CTNNA3: variants seen among roughly 807,000 people sequenced by gnomAD.
CTNNA3 encodes the protein catenin alpha 3, also known as catenin alpha-3.
CTNNA3 carries 76 observed loss-of-function variants against 95.7 expected under a neutral mutation model. That is an observed-to-expected ratio of 0.79 (90% CI 0.66 to 0.96). CTNNA3 has a LOEUF of 0.96. Among genes scored for constraint, CTNNA3 ranks in the 40% least tolerant of loss-of-function variants. The pLI, the probability that CTNNA3 is intolerant of heterozygous loss-of-function variation, is 0.00. For synonymous variants in CTNNA3, 431 were observed against 374.4 expected, an observed-to-expected ratio of 1.15 and a Z score of -1.74; for missense variants, 1,191 against 1,089.8, an observed-to-expected ratio of 1.09 and a Z score of -1.31.
intron 13 of CTNNA3, among the ~76,000 whole-genome samples, chr10:66,199,798 TATATATA>T (rs1281799347): frequency 4.1e-4 from 7 of 17,204 alleles, no homozygotes; most frequent in East Asian, 2.6e-3. Context: ...TATATATATA[TATATATA>T]TTTTTTTTTT....
chr10:67,395,270 C>T (rs1283308674), intron 5 of CTNNA3, among the ~76,000 whole-genome samples: 1 of 152,114 alleles, frequency 6.6e-6, no homozygotes, highest in African/African-American at 2.4e-5. Context: ...TCACTTTAGA[C>T]TGCAACACAA....
intron 2 of CTNNA3, among the ~76,000 whole-genome samples, chr10:67,639,746 C>T (rs938026188): frequency 9.2e-5 from 14 of 152,038 alleles, no homozygotes; most frequent in Admixed American, 2.6e-4. Context: ...ACAGAACCAA[C>T]GACAAAAACC....
chr10:66,944,332 T>C (rs184981010), intron 7 of CTNNA3, among the ~76,000 whole-genome samples: 53 of 152,308 alleles, frequency 3.5e-4, no homozygotes, highest in Non-Finnish European at 5.1e-4. Flanking sequence ...TCCTCATCCA[T>C]TCAAGTTTGA....
chr10:65,953,092 C>T (rs73306036), intron 17 of CTNNA3, among the ~76,000 whole-genome samples: 2,236 of 152,244 alleles, frequency 0.015, 59 homozygotes, highest in African/African-American at 0.051. Context: ...TTCATATATA[C>T]AGGCTAGAAT....
At chr10:67,693,677 T>C (rs1268358743) in intron 1 of CTNNA3, among the ~76,000 whole-genome samples, 1 of 152,232 alleles carries the variant, frequency 6.6e-6, no homozygotes, top group Non-Finnish European at 1.5e-5. Context: ...TTCATAACTC[T>C]ACCTCTCACT....
intron 9 of CTNNA3, among the ~76,000 whole-genome samples, chr10:66,659,218 A>G (rs1276435836): frequency 6.6e-6 from 1 of 150,646 alleles, no homozygotes; most frequent in Non-Finnish European, 1.5e-5. Context: ...ACACACACAC[A>G]TACGTGTAGT....
chr10:66,462,407 T>C (rs2093535750), intron 11 of CTNNA3, among the ~76,000 whole-genome samples: 1 of 152,098 alleles, frequency 6.6e-6, no homozygotes. Flanking sequence ...TTTTTATTCT[T>C]AGTGTATAAA....
At chr10:66,802,564 C>A (rs918731971) in intron 7 of CTNNA3, among the ~76,000 whole-genome samples, 12 of 151,700 alleles carry the variant, frequency 7.9e-5, no homozygotes, top group African/African-American at 2.9e-4. Context: ...GGTACCACGT[C>A]TTTGAAAAAA....
intron 15 of CTNNA3, among the ~76,000 whole-genome samples, chr10:66,005,990 A>G (rs1217817844): frequency 6.6e-6 from 1 of 150,900 alleles, no homozygotes; most frequent in African/African-American, 2.4e-5. Context: ...TATGAGTAGT[A>G]AGAATGCACA....
At chr10:66,417,122 A>G (rs1484924413) in intron 11 of CTNNA3, among the ~76,000 whole-genome samples, 1 of 152,074 alleles carries the variant, frequency 6.6e-6, no homozygotes, top group Non-Finnish European at 1.5e-5. Context: ...AAAATGATCC[A>G]ACTACATGCC....
rs1351032442 is a variant in CTNNA3, at chr10:66,814,023, T to C, written c.1048-38499A>G. ...GATTGTAGAGCTGCTAGAAAATATA[T>C]TCAATAAGACTGAAGACAAATTAGA... is the stretch of plus-strand genomic sequence containing the variant. On this transcript the variant is annotated intron_variant, in intron 7 of 17. Coordinates refer to ENST00000433211, the MANE Select transcript of CTNNA3 (RefSeq NM_013266.4). Among the ~76,000 whole-genome samples the C allele has an allele frequency of 2.0e-5, 3 of 152,258 alleles. No individual in the cohort carries two copies. The East Asian group carries it at 5.8e-4, about 29-fold the overall frequency.
intron 14 of CTNNA3, among the ~76,000 whole-genome samples, chr10:66,077,207 C>A (rs548688875): frequency 2.0e-5 from 3 of 151,718 alleles, no homozygotes; most frequent in Middle Eastern, 3.4e-3. Flanking sequence ...TTAAGAAAAA[C>A]CCAAATATGG....
At chr10:67,319,896 C>CAAAAAA (rs11418140) in intron 5 of CTNNA3, among the ~76,000 whole-genome samples, 1 of 102,878 alleles carries the variant, frequency 9.7e-6, no homozygotes, top group East Asian at 2.8e-4. Flanking sequence ...GACTCAGTCT[C>CAAAAAA]AAAAAAAAAA....
chr10:67,716,569 G>A (rs561346597), intron 1 of CTNNA3, among the ~76,000 whole-genome samples: 2 of 152,244 alleles, frequency 1.3e-5, no homozygotes, highest in East Asian at 1.9e-4. Flanking sequence ...AGAACATGCG[G>A]TGTTCGGTTT....
intron 7 of CTNNA3, among the ~76,000 whole-genome samples, chr10:66,962,918 T>C (rs978836282): frequency 2.0e-5 from 3 of 152,146 alleles, no homozygotes; most frequent in Non-Finnish European, 4.4e-5. Context: ...GCCTGGTATG[T>C]TCACAGATCT....
At chr10:66,910,061 A>T (rs1564759666) in intron 7 of CTNNA3, among the ~76,000 whole-genome samples, 2 of 152,186 alleles carry the variant, frequency 1.3e-5, no homozygotes, top group Non-Finnish European at 2.9e-5. Context: ...AGTCACCAAA[A>T]TCCCTAGAAA....
intron 13 of CTNNA3, among the ~76,000 whole-genome samples, chr10:66,237,949 A>G (rs2089934644): frequency 6.6e-6 from 1 of 152,080 alleles, no homozygotes; most frequent in Non-Finnish European, 1.5e-5. Context: ...GCATTTTCAA[A>G]TCAAATCATT....
At chr10:66,332,839 T>C (rs2092347600) in intron 12 of CTNNA3, among the ~76,000 whole-genome samples, 1 of 152,132 alleles carries the variant, frequency 6.6e-6, no homozygotes, top group South Asian at 2.1e-4. Context: ...AGAATTCGGC[T>C]GTGAATCCAT....
At chr10:67,528,914 C>T (rs1840231482) in intron 4 of CTNNA3, among the ~76,000 whole-genome samples, 1 of 152,016 alleles carries the variant, frequency 6.6e-6, no homozygotes, top group African/African-American at 2.4e-5. Flanking sequence ...CATAAAATTT[C>T]AATTAAACAG....
Sources: gnomAD v4.1 joint callset for allele counts (sites outside exome capture counted in the v4.1 genomes callset) on GRCh38, gnomAD v4.1.1 for gene constraint, MANE v1.5 for transcripts, NCBI Gene and HGNC (gene_info 2026-07-23, HGNC 2026-07-21) for gene names.